KIF16B: variants seen among roughly 807,000 people sequenced by gnomAD.
KIF16B encodes the protein kinesin-like protein KIF16B.
A neutral mutation model predicts 156.3 loss-of-function variants in KIF16B; 98 were observed. The ratio of observed to expected loss-of-function variants is 0.63; its 90% CI spans 0.53 to 0.74. The LOEUF (loss-of-function observed/expected upper bound fraction) is 0.74, where lower values mean the gene tolerates loss of function less well. Ranked by LOEUF, KIF16B falls within the 30% of genes least tolerant of loss-of-function variation. KIF16B has a pLI of 0.00. For synonymous variants in KIF16B, 564 were observed against 583.7 expected, an observed-to-expected ratio of 0.97 and a Z score of 0.49; for missense variants, 1,421 against 1,606.5, an observed-to-expected ratio of 0.88 and a Z score of 1.97.
chr20:16,459,486 A>G (rs893252136), intron 12 of KIF16B, among the ~76,000 whole-genome samples: 2 of 152,156 alleles, frequency 1.3e-5, no homozygotes, highest in African/African-American at 4.8e-5. Context: ...GGAGTACAGC[A>G]CACTGTCTCC....
At chr20:16,376,574 G>A (rs1303766695) in intron 19 of KIF16B, among the ~76,000 whole-genome samples, 3 of 152,200 alleles carry the variant, frequency 2.0e-5, no homozygotes, top group Non-Finnish European at 2.9e-5. Context: ...CAGAGAGCCC[G>A]GAATCCGTCG....
intron 12 of KIF16B, among the ~76,000 whole-genome samples, chr20:16,445,114 A>T (rs2066898131): frequency 6.6e-6 from 1 of 152,134 alleles, no homozygotes; most frequent in African/African-American, 2.4e-5. Context: ...TGGCAGGAAG[A>T]TCATCAGCCT....
At chr20:16,352,085 G>A (rs1202374021) in intron 23 of KIF16B, among the ~76,000 whole-genome samples, 3 of 152,212 alleles carry the variant, frequency 2.0e-5, no homozygotes, top group African/African-American at 7.2e-5. Context: ...TAGGTGCAGA[G>A]GGCAGATCAG....
chr20:16,419,293 C>T (rs1334186896), intron 15 of KIF16B, among the ~76,000 whole-genome samples: 2 of 152,130 alleles, frequency 1.3e-5, no homozygotes, highest in Non-Finnish European at 2.9e-5. Context: ...GGGTCAAGTG[C>T]AGGTGAGTCA....
rs184851676 is a variant in KIF16B, at chr20:16,392,757, G to A, written c.1785-11010C>T. On this transcript the variant is annotated intron_variant, in intron 17 of 25. Transcript: ENST00000354981. Reference sequence around the variant, plus strand: ...TTCTTTTCTAGGTCTCCAACCCAGTGGTATAGTCCTTCCTTCCCTTATTTC... The same window carrying A: ...TTCTTTTCTAGGTCTCCAACCCAGTAGTATAGTCCTTCCTTCCCTTATTTC... Among the ~76,000 whole-genome samples, 8 of 152,278 alleles carry A rather than the reference G, an allele frequency of 5.3e-5. No individual in the cohort carries two copies. In the East Asian group the frequency reaches 1.3e-3, roughly 26 times the overall value.
intron 15 of KIF16B, among the ~76,000 whole-genome samples, chr20:16,413,662 T>A (rs1266942059): frequency 6.6e-6 from 1 of 152,024 alleles, no homozygotes; most frequent in Non-Finnish European, 1.5e-5. Flanking sequence ...TGTAATTCTG[T>A]TTCGAGACTC....
chr20:16,351,535 G>A (rs1015002416), intron 23 of KIF16B, among the ~76,000 whole-genome samples: 6 of 151,890 alleles, frequency 4.0e-5, no homozygotes, highest in South Asian at 2.1e-4. Context: ...GCAGCTGAGC[G>A]CAGGCACAAA....
chr20:16,494,399 A>G, intron 11 of KIF16B, 49 bp from the exon 12 acceptor site: 2 of 1,251,374 alleles, frequency 1.6e-6, no homozygotes, highest in Non-Finnish European at 2.3e-6. Context: ...GAAAGTTTAT[A>G]ATTTTCTTCT....
At chr20:16,282,739 C>T (rs560419705) in intron 25 of KIF16B, among the ~76,000 whole-genome samples, 1 of 152,222 alleles carries the variant, frequency 6.6e-6, no homozygotes, top group South Asian at 2.1e-4. Flanking sequence ...AACAGGACTG[C>T]TCCTGGACCT....
At chr20:16,422,202 CTAAA>C (rs2066243223) in intron 15 of KIF16B, among the ~76,000 whole-genome samples, 1 of 152,062 alleles carries the variant, frequency 6.6e-6, no homozygotes, top group African/African-American at 2.4e-5. Flanking sequence ...TTCTAACTAA[CTAAA>C]TAAGCAAATA....
chr20:16,434,902 C>T (rs115185444), intron 12 of KIF16B, among the ~76,000 whole-genome samples: 1,524 of 151,956 alleles, frequency 0.01, 31 homozygotes, highest in African/African-American at 0.035. Context: ...TGTCTGGGGG[C>T]TGGGGGTTGG....
Position 16,272,827 on chromosome 20 carries a change from C to T in KIF16B, c.*426G>A, listed in dbSNP as rs1008930858. ...CCACATGGAAGAAATATAAAAAATA[C>T]GAGTATATTTTGGTGAAAGAGGAAA... On this transcript the variant is annotated 3_prime_UTR_variant, in exon 26 of 26. Coordinates refer to ENST00000354981, the MANE Select transcript of KIF16B (RefSeq NM_024704.5). The T allele has an allele frequency of 2.6e-5, 4 of 154,166 alleles. No individual in the cohort carries two copies. Among genetic ancestry groups the T allele is most frequent in the Non-Finnish European group, 2.9e-5 (2 of 69,498 alleles). The allele number at this position is 154,166 out of a possible 1,614,324, so 9.5% of individuals were successfully genotyped here. A position where few individuals can be genotyped will look rare whatever the true frequency, so the allele number is the denominator to read the frequency against.
intron 24 of KIF16B, among the ~76,000 whole-genome samples, chr20:16,317,468 A>G (rs13038209): frequency 0.035 from 5,356 of 152,254 alleles, 108 homozygotes; most frequent in African/African-American, 0.045. Flanking sequence ...TCTTTCTGTA[A>G]GATTTCATTT....
At chr20:16,351,824 C>T (rs986430379) in intron 23 of KIF16B, among the ~76,000 whole-genome samples, 2 of 152,072 alleles carry the variant, frequency 1.3e-5, no homozygotes, top group Non-Finnish European at 2.9e-5. Context: ...AGGGGCGACA[C>T]CAAAATGATA....
chr20:16,522,891 A>G (rs931406921), intron 3 of KIF16B, among the ~76,000 whole-genome samples: 1 of 152,202 alleles, frequency 6.6e-6, no homozygotes, highest in Middle Eastern at 3.2e-3. Flanking sequence ...AATCACATGG[A>G]AACTGAACAA....
chr20:16,562,112 C>T (rs887407475), intron 1 of KIF16B, among the ~76,000 whole-genome samples: 2 of 152,156 alleles, frequency 1.3e-5, no homozygotes, highest in African/African-American at 2.4e-5. Flanking sequence ...GAACTCTCTA[C>T]TATTTTGCAA....
At chr20:16,296,058 C>T (rs2063381951) in intron 25 of KIF16B, among the ~76,000 whole-genome samples, 1 of 152,196 alleles carries the variant, frequency 6.6e-6, no homozygotes, top group African/African-American at 2.4e-5. Flanking sequence ...AAAGACCTTT[C>T]CTTCTCACCC....
At chr20:16,395,095 C>T (rs1015169411) in intron 17 of KIF16B, among the ~76,000 whole-genome samples, 15 of 149,094 alleles carry the variant, frequency 1.0e-4, no homozygotes, top group Non-Finnish European at 1.8e-4. Context: ...AAAGGGCATA[C>T]CCCTGTCATC....
intron 22 of KIF16B, chr20:16,368,348 T>C (rs1263370641): frequency 2.0e-6 from 2 of 989,230 alleles, no homozygotes; most frequent in East Asian, 2.2e-4. Context: ...GCAGCTTCGC[T>C]CTCGCTGCTG....
Sources: gnomAD v4.1 joint callset for allele counts (sites outside exome capture counted in the v4.1 genomes callset) on GRCh38, gnomAD v4.1.1 for gene constraint, MANE v1.5 for transcripts, NCBI Gene and HGNC (gene_info 2026-07-23, HGNC 2026-07-21) for gene names.